CNTNAP5: variants seen among roughly 807,000 people sequenced by gnomAD.
CNTNAP5 encodes contactin associated protein family member 5.
A neutral mutation model predicts 150.2 loss-of-function variants in CNTNAP5; 72 were observed. The ratio of observed to expected loss-of-function variants is 0.48; its 90% confidence interval spans 0.40 to 0.58. CNTNAP5 has a LOEUF of 0.58. Ranked by LOEUF, CNTNAP5 falls within the 20% of genes least tolerant of loss-of-function variation. The pLI is 0.00. For missense variants in CNTNAP5, 1,636 were observed against 1,626.2 expected (o/e 1.01, Z -0.10); for synonymous variants, 672 against 619.8 (o/e 1.08, Z -1.25).
rs1316113364 is a variant in CNTNAP5, at chr2:124,363,870, TA to T, written c.382-53570del. Among the ~76,000 whole-genome samples, 11 of 152,260 alleles carry T rather than the reference TA, an allele frequency of 7.2e-5. No individual in the cohort carries two copies. In the East Asian group the frequency reaches 1.7e-3, roughly 24 times the overall value. ...TCTGTGTGTAGCAATTATATCTTAA[TA>T]AAGATATATGCATATACAGAATCCC... On this transcript the variant is annotated intron_variant, in intron 3 of 23. Transcript: ENST00000682447.
intron 3 of CNTNAP5, among the ~76,000 whole-genome samples, chr2:124,328,141 A>AT (rs150555512): frequency 0.068 from 10,055 of 148,792 alleles, 361 homozygotes; most frequent in Non-Finnish European, 0.076. Context: ...CCTACAACAC[A>AT]TTTTTTTTTT....
At chr2:124,134,109 T>C (rs1294573974) in intron 1 of CNTNAP5, among the ~76,000 whole-genome samples, 1 of 152,160 alleles carries the variant, frequency 6.6e-6, no homozygotes, top group Non-Finnish European at 1.5e-5. Context: ...TAGATGTGTG[T>C]GGGACCCAAT....
chr2:124,568,348 C>T (rs138187459), intron 11 of CNTNAP5, among the ~76,000 whole-genome samples: 31 of 152,316 alleles, frequency 2.0e-4, no homozygotes, highest in African/African-American at 7.2e-4. Context: ...CGAAAACAGA[C>T]TGTCAAGGGC....
intron 1 of CNTNAP5, among the ~76,000 whole-genome samples, chr2:124,096,211 T>A (rs982360089): frequency 6.6e-6 from 1 of 152,220 alleles, no homozygotes; most frequent in African/African-American, 2.4e-5. Flanking sequence ...TCACTATTTG[T>A]CTTTAGTTCC....
At chr2:124,261,592 G>A (rs924121143) in intron 3 of CNTNAP5, among the ~76,000 whole-genome samples, 36 of 152,212 alleles carry the variant, frequency 2.4e-4, no homozygotes, top group African/African-American at 7.5e-4. Context: ...AATTCCCAGC[G>A]TCCAGGTGGG....
intron 2 of CNTNAP5, among the ~76,000 whole-genome samples, chr2:124,237,762 A>G (rs535627298): frequency 4.0e-5 from 6 of 151,152 alleles, no homozygotes; most frequent in African/African-American, 1.5e-4. Context: ...GCGTCAACCC[A>G]TGAGGCAGAG....
chr2:124,351,966 A>G (rs1303224304), intron 3 of CNTNAP5, among the ~76,000 whole-genome samples: 1 of 152,170 alleles, frequency 6.6e-6, no homozygotes, highest in Non-Finnish European at 1.5e-5. Context: ...GAAGAAACAC[A>G]GAGGAAGGAC....
chr2:124,612,877 A>C (rs1173654178), intron 12 of CNTNAP5, among the ~76,000 whole-genome samples: 1 of 152,092 alleles, frequency 6.6e-6, no homozygotes, highest in Non-Finnish European at 1.5e-5. Context: ...ACATGGTGAA[A>C]ACCCATCTCT....
intron 1 of CNTNAP5, among the ~76,000 whole-genome samples, chr2:124,216,933 T>G (rs546973044): frequency 6.6e-6 from 1 of 152,300 alleles, no homozygotes; most frequent in East Asian, 1.9e-4. Flanking sequence ...TCAAATGGTA[T>G]TTCTAGTTCT....
chr2:124,551,147 C>T (rs763349109), intron 10 of CNTNAP5, among the ~76,000 whole-genome samples: 58 of 152,060 alleles, frequency 3.8e-4, no homozygotes, highest in Non-Finnish European at 1.0e-4. Flanking sequence ...TTCTTGAACC[C>T]CAGCATTGTT....
chr2:124,751,328 T>C lies in CNTNAP5; in HGVS notation c.2234+3943T>C, dbSNP rs200757479. 6.6e-5 allele frequency among the ~76,000 whole-genome samples: 10 copies of C among 152,242 alleles called. No homozygotes were observed. The East Asian group carries it at 1.9e-3, about 29-fold the overall frequency. ...GGTGTGGTTGTTGCACAGTCGTCAT[T>C]TGAGAAATGTACAGAAGATAAAGGA... On this transcript the variant is annotated intron_variant, in intron 14 of 23. Coordinates refer to ENST00000682447, the MANE Select transcript of CNTNAP5 (RefSeq NM_001367498.1).
chr2:124,827,154 G>A (rs1682613001), intron 19 of CNTNAP5, among the ~76,000 whole-genome samples: 1 of 152,084 alleles, frequency 6.6e-6, no homozygotes, highest in South Asian at 2.1e-4. Flanking sequence ...AAACTCCTGG[G>A]TTCAAGTGAT....
chr2:124,398,728 G>C (rs191054156), intron 3 of CNTNAP5, among the ~76,000 whole-genome samples: 1 of 152,180 alleles, frequency 6.6e-6, no homozygotes, highest in East Asian at 1.9e-4. Context: ...TGATCCATCT[G>C]CCTTGGCTTC....
At chr2:124,487,569 T>G (rs569805354) in intron 7 of CNTNAP5, among the ~76,000 whole-genome samples, 3 of 152,106 alleles carry the variant, frequency 2.0e-5, no homozygotes, top group South Asian at 4.1e-4. Flanking sequence ...CCAAGGTAAA[T>G]GGAAGATCCA....
chr2:124,785,000 G>A (rs572576562), intron 17 of CNTNAP5, among the ~76,000 whole-genome samples: 4 of 138,380 alleles, frequency 2.9e-5, no homozygotes, highest in Middle Eastern at 4.5e-3. Flanking sequence ...AGAACCAGAG[G>A]CATTGCTCTG....
chr2:124,251,272 A>G (rs1314874508), intron 3 of CNTNAP5, among the ~76,000 whole-genome samples: 2 of 146,626 alleles, frequency 1.4e-5, no homozygotes, highest in East Asian at 4.2e-4. Context: ...GCTCATAGGA[A>G]AAAGAAACAG....
chr2:124,220,925 C>T (rs1349152467), intron 1 of CNTNAP5, among the ~76,000 whole-genome samples: 1 of 152,090 alleles, frequency 6.6e-6, no homozygotes, highest in African/African-American at 2.4e-5. Flanking sequence ...CAGTTCCTTT[C>T]CATGAGATTG....
At chr2:124,178,246 T>C (rs969868473) in intron 1 of CNTNAP5, among the ~76,000 whole-genome samples, 1 of 152,214 alleles carries the variant, frequency 6.6e-6, no homozygotes, top group Non-Finnish European at 1.5e-5. Flanking sequence ...CAGTGATGTA[T>C]TTCTTTCAGT....
intron 8 of CNTNAP5, among the ~76,000 whole-genome samples, chr2:124,515,287 C>CG (rs1337239432): frequency 4.6e-5 from 7 of 152,216 alleles, no homozygotes; most frequent in African/African-American, 1.4e-4. Context: ...TGGGGCAGAG[C>CG]GGGGGGTGTC....
Sources: gnomAD v4.1 joint callset for allele counts (sites outside exome capture counted in the v4.1 genomes callset) on GRCh38, gnomAD v4.1.1 for gene constraint, MANE v1.5 for transcripts, NCBI Gene and HGNC (gene_info 2026-07-23, HGNC 2026-07-21) for gene names.